PSEN1: variants seen among roughly 807,000 people sequenced by gnomAD.
PSEN1 encodes presenilin 1, also known as presenilin-1.
PSEN1 carries 15 observed loss-of-function variants against 53.5 expected under a neutral mutation model. The ratio of observed to expected loss-of-function variants is 0.28; its 90% CI spans 0.19 to 0.43. The LOEUF is 0.43. Ranked by LOEUF, PSEN1 falls within the 20% of genes least tolerant of loss-of-function variation. The pLI is 1.00. For synonymous variants in PSEN1, 208 were observed against 209.8 expected (o/e 0.99, Z 0.08); for missense variants, 387 against 571.2 (o/e 0.68, Z 3.29).
chr14:73,213,578 G>A (rs1240204554), intron 10 of PSEN1, among the ~76,000 whole-genome samples: 1 of 152,108 alleles, frequency 6.6e-6, no homozygotes, highest in South Asian at 2.1e-4. Flanking sequence ...CAGACTTGTG[G>A]GTACTTACCA....
chr14:73,215,541 T>TAA (rs202175306), intron 10 of PSEN1, among the ~76,000 whole-genome samples: 10,540 of 144,568 alleles, frequency 0.073, 394 homozygotes, highest in Non-Finnish European at 0.091. Flanking sequence ...CGAGATCACT[T>TAA]AAAAAAAAAA....
intron 1 of PSEN1, among the ~76,000 whole-genome samples, chr14:73,146,997 C>T (rs1215696978): frequency 6.6e-6 from 1 of 151,488 alleles, no homozygotes; most frequent in Admixed American, 6.6e-5. Context: ...AAGGCTGCGC[C>T]AAGATCAAAG....
intron 1 of PSEN1, among the ~76,000 whole-genome samples, chr14:73,140,555 G>A (rs189601896): frequency 4.0e-5 from 6 of 151,880 alleles, no homozygotes; most frequent in Non-Finnish European, 5.9e-5. Context: ...CCTAGTTATC[G>A]TCTTTATTTT....
At chr14:73,181,515 T>G (rs749666911) in intron 5 of PSEN1, among the ~76,000 whole-genome samples, 5 of 152,172 alleles carry the variant, frequency 3.3e-5, no homozygotes, top group Admixed American at 1.3e-4. Flanking sequence ...ACCCAGTTAC[T>G]TGGGACCCTG....
At chr14:73,150,480 T>C (rs1344164933) in intron 3 of PSEN1, among the ~76,000 whole-genome samples, 1 of 152,162 alleles carries the variant, frequency 6.6e-6, no homozygotes, top group Non-Finnish European at 1.5e-5. Context: ...TTTAAAACTT[T>C]AGGCTGGGTG....
chr14:73,210,130 AAAAC>A (rs1372834902), intron 9 of PSEN1, among the ~76,000 whole-genome samples: 1 of 152,228 alleles, frequency 6.6e-6, no homozygotes, highest in East Asian at 1.9e-4. Context: ...GTGTAAGGAA[AAAAC>A]AAACAAAAGA....
At chr14:73,209,842 G>T (rs1291264776) in intron 9 of PSEN1, among the ~76,000 whole-genome samples, 1 of 152,208 alleles carries the variant, frequency 6.6e-6, no homozygotes, top group Non-Finnish European at 1.5e-5. Flanking sequence ...TGGATGAACT[G>T]CAGGCTTCCT....
At position 73,211,818 on chromosome 14, in the gene PSEN1, G is replaced by T; in HGVS notation, c.1005G>T (p.Gly335=). The change falls in exon 10 of 12, where the codon GGG becomes GGT. Residue 335 remains glycine (G), a synonymous_variant. Transcript: ENST00000324501. ...CTGTTGCAGAGAATGATGATGGCGGGTTCAGTGAGGAATGGGAAGCCCAGA... is the reference window on the plus strand; with the variant it reads ...CTGTTGCAGAGAATGATGATGGCGGTTTCAGTGAGGAATGGGAAGCCCAGA... ...QDTVAENDDG[G]FSEEWEAQRD... is the part of the protein sequence containing the mutation. The T allele has an allele frequency of 6.2e-7, 1 of 1,614,088 alleles. No individual in the cohort carries two copies. Among genetic ancestry groups the T allele is most frequent in the Admixed American group, 1.7e-5 (1 of 60,008 alleles).
At chr14:73,211,710 T>G in intron 9 of PSEN1, 59 bp from the exon 10 acceptor site, 1 of 1,576,412 alleles carries the variant, frequency 6.3e-7, no homozygotes, top group Non-Finnish European at 8.7e-7. Context: ...CATGTAATTT[T>G]CTTAAAGGTA....
At position 73,148,189 on chromosome 14, in the gene PSEN1, G is replaced by A. The variant is rs553773636; in HGVS notation, c.87+83G>A. ...CTCACCTCTGAGAAATGCTGAGGGG[G>A]CTAGGCAGGCTTTCTCTACTTTACC... On this transcript the variant is annotated intron_variant, in intron 3 of 11. Transcript: ENST00000324501. 83 of 1,062,662 alleles carry A rather than the reference G, an allele frequency of 7.8e-5. No individual in the cohort carries two copies. The African/African-American group carries it at 1.2e-3, about 16-fold the overall frequency. The allele number at this position is 1,062,662 out of a possible 1,614,324, so 65.8% of individuals were successfully genotyped here.
chr14:73,173,970 C>T, intron 5 of PSEN1: 1 of 601,342 alleles, frequency 1.7e-6, no homozygotes, highest in Non-Finnish European at 2.9e-6. Context: ...GGCAACGTAG[C>T]AAGACCCTGC....
rs1231075492 is a variant in PSEN1 at position 73,203,525 on chromosome 14, GTT to G, written c.869-2858_869-2857del. 2.0e-5 allele frequency among the ~76,000 whole-genome samples: 3 copies of G among 152,282 alleles called. No individual in the cohort carries two copies. The South Asian group carries it at 6.2e-4, about 32-fold the overall frequency. On this transcript the variant is annotated intron_variant, in intron 8 of 11. Transcript: ENST00000324501. ...GTGGATATAAGCATGAATATAAAAA[GTT>G]TTAAATCAGTCATCCTGGCTATTTG...
rs140366572 is a variant in PSEN1 at position 73,209,988 on chromosome 14, A to C, written c.956-1781A>C. ...GCTTTAAGGCTTTGCAATAATCAAAAACTCCTCCATCCTAGTTATTTCCAA... is the reference window on the plus strand; with the variant it reads ...GCTTTAAGGCTTTGCAATAATCAAACACTCCTCCATCCTAGTTATTTCCAA... On this transcript the variant is annotated intron_variant, in intron 9 of 11. Transcript: ENST00000324501. Among the ~76,000 whole-genome samples, 229 of 152,294 alleles carry C rather than the reference A, an allele frequency of 1.5e-3. 3 individuals carry two copies. The East Asian group carries it at 0.018, about 12-fold the overall frequency.
intron 3 of PSEN1, among the ~76,000 whole-genome samples, chr14:73,162,497 C>T (rs1255157510): frequency 1.3e-5 from 2 of 150,850 alleles, no homozygotes; most frequent in Non-Finnish European, 3.0e-5. Flanking sequence ...AGAGAGAGCA[C>T]GCGAACAAGC....
At chr14:73,153,752 G>A (rs1029029338) in intron 3 of PSEN1, among the ~76,000 whole-genome samples, 58 of 130,896 alleles carry the variant, frequency 4.4e-4, no homozygotes, top group African/African-American at 1.7e-3. Context: ...TCCCTCTGTC[G>A]CCCAGGCTGG....
At chr14:73,150,071 C>T (rs1169235923) in intron 3 of PSEN1, among the ~76,000 whole-genome samples, 1 of 152,096 alleles carries the variant, frequency 6.6e-6, no homozygotes, top group East Asian at 1.9e-4. Flanking sequence ...ATTTATTTCT[C>T]AAGTTTTTGT....
intron 2 of PSEN1, 41 bp from the exon 3 acceptor site, chr14:73,147,926 A>T: frequency 1.1e-6 from 1 of 917,998 alleles, no homozygotes; most frequent in Non-Finnish European, 1.8e-6. Context: ...ATAACAGTAT[A>T]ATTGTAGTGC....
intron 3 of PSEN1, among the ~76,000 whole-genome samples, chr14:73,162,974 A>C (rs565996594): frequency 6.6e-6 from 1 of 152,226 alleles, no homozygotes; most frequent in East Asian, 1.9e-4. Flanking sequence ...ATTTATTTTT[A>C]ATTTTTGCTT....
intron 8 of PSEN1, among the ~76,000 whole-genome samples, chr14:73,204,540 AAAAG>A (rs1482325274): frequency 5.9e-5 from 9 of 152,052 alleles, no homozygotes; most frequent in Non-Finnish European, 1.2e-4. Flanking sequence ...AAAAAAAAAA[AAAAG>A]AACAAGGAAG....
Sources: allele counts gnomAD v4.1 joint callset (sites outside exome capture counted in the v4.1 genomes callset), GRCh38; gene constraint gnomAD v4.1.1; transcripts MANE v1.5; gene names NCBI Gene and HGNC (gene_info 2026-07-23, HGNC 2026-07-21).